FRMPD4: variants seen among roughly 807,000 people sequenced by gnomAD.
FRMPD4 encodes the protein FERM and PDZ domain-containing protein 4.
FRMPD4 carries 22 observed loss-of-function variants against 94.1 expected under a neutral mutation model. The ratio of observed to expected loss-of-function variants is 0.23; its 90% CI spans 0.17 to 0.33. The LOEUF is 0.33. FRMPD4 is among the 10% of genes least tolerant of loss of function. The probability of loss-of-function intolerance (pLI) is 1.00; values close to 1 mark genes in which losing one functional copy is unlikely to be tolerated. For synonymous variants in FRMPD4, 631 were observed against 548.6 expected (o/e 1.15, Z -2.10); for missense variants, 1,111 against 1,339.9 (o/e 0.83, Z 2.67).
intron 1 of FRMPD4, among the ~76,000 whole-genome samples, chrX:12,355,137 G>A (rs997090508): frequency 1.8e-5 from 2 of 110,709 alleles, no homozygotes; most frequent in African/African-American, 6.6e-5. Context: ...CATGCTTTCT[G>A]CATTGAGGTT....
chrX:11,895,273 T>A (rs1382588115), intron 3 of FRMPD4, among the ~76,000 whole-genome samples: 1 of 111,751 alleles, frequency 8.9e-6, no homozygotes, highest in African/African-American at 3.3e-5. Context: ...CGCCATCAAG[T>A]TGTAACAACA....
chrX:11,993,993 G>T (rs186388729), intron 3 of FRMPD4, among the ~76,000 whole-genome samples: 220 of 111,175 alleles, frequency 2.0e-3, no homozygotes, highest in African/African-American at 7.0e-3. Flanking sequence ...AAAATATGAG[G>T]TGATAAATTT....
At chrX:12,051,823 A>G in intron 3 of FRMPD4, among the ~76,000 whole-genome samples, 1 of 111,003 alleles carries the variant, frequency 9.0e-6, no homozygotes, top group Non-Finnish European at 1.9e-5. Flanking sequence ...AAGTGATGAC[A>G]AAGAAAGAAA....
intron 1 of FRMPD4, among the ~76,000 whole-genome samples, chrX:12,143,584 A>G (rs1051534033): frequency 3.6e-5 from 4 of 111,499 alleles, no homozygotes; most frequent in Non-Finnish European, 7.5e-5. Context: ...TCTCTTCTTT[A>G]TCATTAGCAG....
chrX:12,598,989 C>T lies in FRMPD4; in HGVS notation c.159-10732C>T, dbSNP rs181266918. Among the ~76,000 whole-genome samples the T allele has an allele frequency of 4.0e-4, 45 of 112,069 alleles. No homozygotes were observed. In the South Asian group the frequency reaches 5.2e-3, roughly 13 times the overall value. ...TTCGTGTTTGACTCGTGTCTTAGAT[C>T]GGGATTTCTGTAACACATATTCTTG... is the stretch of plus-strand genomic sequence containing the variant. On this transcript the variant is annotated intron_variant, in intron 2 of 16. Coordinates refer to ENST00000675598, the MANE Select transcript of FRMPD4 (RefSeq NM_001368397.1).
At chrX:12,504,094 TTGATC>T (rs1241210395) in intron 2 of FRMPD4, among the ~76,000 whole-genome samples, 2 of 112,239 alleles carry the variant, frequency 1.8e-5, no homozygotes, top group Admixed American at 1.9e-4. Context: ...AAAGGACAAA[TTGATC>T]TGAGAGATTA....
At chrX:12,590,251 A>G (rs12387177) in intron 2 of FRMPD4, among the ~76,000 whole-genome samples, 5,737 of 112,162 alleles carry the variant, frequency 0.051, 348 homozygotes, top group African/African-American at 0.18. Context: ...GTCAATAAAT[A>G]TTGCTCACAA....
At chrX:12,214,033 T>C (rs927715559) in intron 1 of FRMPD4, among the ~76,000 whole-genome samples, 1 of 112,223 alleles carries the variant, frequency 8.9e-6, no homozygotes, top group Non-Finnish European at 1.9e-5. Flanking sequence ...AATATTGAAA[T>C]GTAAGGGAAT....
chrX:12,582,288 A>C (rs1222179675), intron 2 of FRMPD4, among the ~76,000 whole-genome samples: 1 of 112,121 alleles, frequency 8.9e-6, no homozygotes, highest in Non-Finnish European at 1.9e-5. Context: ...AATGTAAGTA[A>C]TAATAACTGC....
At chrX:12,720,082 G>GAGAGAGAGAGAA (rs1555898507) in intron 16 of FRMPD4, among the ~76,000 whole-genome samples, 20 of 95,054 alleles carry the variant, frequency 2.1e-4, no homozygotes, top group African/African-American at 7.9e-4. Flanking sequence ...AAGAAAGAAA[G>GAGAGAGAGAGAA]AGAAAGAAAG....
At position 12,018,723 on chromosome X, in the gene FRMPD4, T is replaced by C. The variant is rs779061941; in HGVS notation, c.95+140705T>C. Among the ~76,000 whole-genome samples the C allele has an allele frequency of 3.6e-5, 4 of 111,781 alleles. No homozygotes were observed. The South Asian group carries it at 1.5e-3, about 42-fold the overall frequency. ...TGAGTCACCATTCCCGGTCCAGATTTCCCCTTGTTATAAAGAGACCAGTCA... is the reference window on the plus strand; with the variant it reads ...TGAGTCACCATTCCCGGTCCAGATTCCCCCTTGTTATAAAGAGACCAGTCA... On this transcript the variant is annotated intron_variant, in intron 3 of 18. Coordinates refer to the FRMPD4 transcript ENST00000640291.
chrX:12,224,852 A>G (rs756710516), intron 1 of FRMPD4, among the ~76,000 whole-genome samples: 87 of 111,724 alleles, frequency 7.8e-4, no homozygotes, highest in African/African-American at 2.8e-3. Flanking sequence ...GGGATAAAGG[A>G]TTAACTTTTT....
intron 1 of FRMPD4, among the ~76,000 whole-genome samples, chrX:11,845,829 A>C (rs2053572937): frequency 9.2e-6 from 1 of 108,447 alleles, no homozygotes; most frequent in African/African-American, 3.4e-5. Context: ...AAATTCAACA[A>C]CCCTTCACGC....
intron 1 of FRMPD4, among the ~76,000 whole-genome samples, chrX:12,359,883 G>A (rs1207710977): frequency 9.0e-6 from 1 of 111,430 alleles, no homozygotes; most frequent in Non-Finnish European, 1.9e-5. Context: ...GACAAGGTTG[G>A]GGACCCTCGG....
intron 2 of FRMPD4, among the ~76,000 whole-genome samples, chrX:12,604,698 G>T (rs1324680631): frequency 8.9e-6 from 1 of 111,971 alleles, no homozygotes; most frequent in Non-Finnish European, 1.9e-5. Flanking sequence ...GGGTACATGT[G>T]TAGGTTTGTT....
rs753433638 is a variant in FRMPD4, at chrX:12,142,073, GTCC to G, written c.41+3062_41+3064del. Among the ~76,000 whole-genome samples, 3 of 111,671 alleles carry G rather than the reference GTCC, an allele frequency of 2.7e-5. No individual in the cohort carries two copies. In the East Asian group the frequency reaches 8.4e-4, roughly 31 times the overall value. Reference sequence around the variant, plus strand: ...ATTGAGTGATATGTTCATAGATTAAGTCCCTGATTTGGCTTCTTTTCTTTAAGC... The same window carrying G: ...ATTGAGTGATATGTTCATAGATTAAGCTGATTTGGCTTCTTTTCTTTAAGC... On this transcript the variant is annotated intron_variant, in intron 1 of 16. Transcript: ENST00000675598.
chrX:11,842,493 T>G (rs1281189514), intron 1 of FRMPD4, among the ~76,000 whole-genome samples: 1 of 86,474 alleles, frequency 1.2e-5, no homozygotes, highest in East Asian at 3.7e-4. Flanking sequence ...CCTAGGTATT[T>G]TATTCTCTTT....
At chrX:12,288,837 T>A (rs2054641359) in intron 1 of FRMPD4, among the ~76,000 whole-genome samples, 1 of 112,003 alleles carries the variant, frequency 8.9e-6, no homozygotes, top group South Asian at 3.7e-4. Flanking sequence ...AGTGCTTTGA[T>A]AATTTGTTGT....
At chrX:12,675,779 C>G (rs749906786) in intron 5 of FRMPD4, among the ~76,000 whole-genome samples, 1 of 111,439 alleles carries the variant, frequency 9.0e-6, no homozygotes. Context: ...GGAGTGGCAG[C>G]GATTCCAGCC....
Sources: allele counts gnomAD v4.1 joint callset (sites outside exome capture counted in the v4.1 genomes callset), GRCh38; gene constraint gnomAD v4.1.1; transcripts MANE v1.5; gene names NCBI Gene and HGNC (gene_info 2026-07-23, HGNC 2026-07-21).